The following GLS variants were observed in gnomAD, a reference collection of about 807,000 sequenced individuals.
The protein encoded by GLS is glutaminase, also known as glutaminase kidney isoform, mitochondrial.
In GLS, 36 loss-of-function variants were observed where a neutral mutation model predicts 86.7. The ratio of observed to expected loss-of-function variants is 0.42; its 90% CI spans 0.32 to 0.55. GLS has a LOEUF of 0.55. GLS is among the 20% of genes least tolerant of loss of function. GLS has a pLI of 0.17. For missense variants in GLS, 528 were observed against 833.4 expected, an observed-to-expected ratio of 0.63 and a Z score of 4.51; for synonymous variants, 317 against 305.9, an observed-to-expected ratio of 1.04 and a Z score of -0.38.
chr2:190,958,557 G>A (rs1690918829), intron 17 of GLS, among the ~76,000 whole-genome samples: 1 of 152,096 alleles, frequency 6.6e-6, no homozygotes, highest in Admixed American at 6.5e-5. Flanking sequence ...TGGGCATTTA[G>A]TACTATAAAT....
intron 14 of GLS, chr2:190,934,412 A>G (rs1690206404): frequency 2.1e-6 from 2 of 947,542 alleles, no homozygotes; most frequent in Non-Finnish European, 2.5e-6. Context: ...TTAAATAATT[A>G]TATTTTAAGT....
intron 3 of GLS, among the ~76,000 whole-genome samples, chr2:190,899,542 A>G (rs1005646954): frequency 6.6e-6 from 1 of 152,158 alleles, no homozygotes; most frequent in African/African-American, 2.4e-5. Flanking sequence ...CTCATTTATT[A>G]CAGACTAAAC....
rs1491385760 is a variant in GLS, at chr2:190,949,905, GAC to G, written c.1651-3658_1651-3657del. On this transcript the variant is annotated intron_variant, in intron 14 of 17. Transcript: ENST00000320717. This position sits in a 1 kb window ranked among gnomAD's most constrained non-coding sequence, Gnocchi z 4.0. ...CATGGAGCCTATATTTAATGAGAGA[GAC>G]AAAAAACAAGTATATATAAAAATAT... is the stretch of plus-strand genomic sequence containing the variant. Among the ~76,000 whole-genome samples, 1 of 149,122 alleles carries G rather than the reference GAC, an allele frequency of 6.7e-6. No individual in the cohort carries two copies. Among genetic ancestry groups the G allele is most frequent in the Non-Finnish European group, 1.5e-5 (1 of 67,406 alleles).
chr2:190,900,645 A>C lies in GLS; in HGVS notation c.687A>C (p.Ser229=). The change falls in exon 4 of 18, where the codon TCA becomes TCC. Residue 229 remains serine, a synonymous_variant. Coordinates refer to ENST00000320717, the MANE Select transcript of GLS (RefSeq NM_014905.5). Reference sequence around the variant, plus strand: ...TTCCTGACTTTATGTCTTTTACCTCACACATTGATGAGTTATATGAAAGTG... The same window carrying C: ...TTCCTGACTTTATGTCTTTTACCTCCCACATTGATGAGTTATATGAAAGTG... The part of the protein sequence containing the change: ...FVIPDFMSFT[S]HIDELYESAK... The C allele has an allele frequency of 6.2e-7, 1 of 1,604,480 alleles. No homozygotes were observed. Among genetic ancestry groups the C allele is most frequent in the Non-Finnish European group, 8.5e-7 (1 of 1,171,810 alleles).
At chr2:190,950,302 T>C (rs1469273602) in intron 14 of GLS, among the ~76,000 whole-genome samples, 1 of 152,152 alleles carries the variant, frequency 6.6e-6, no homozygotes, top group Non-Finnish European at 1.5e-5. Flanking sequence ...AGAGTTTGAT[T>C]TTCCTTTAGA....
intron 5 of GLS, among the ~76,000 whole-genome samples, chr2:190,904,217 C>T (rs1689051419): frequency 6.6e-6 from 1 of 151,682 alleles, no homozygotes; most frequent in Non-Finnish European, 1.5e-5. Context: ...GACAGGGTCC[C>T]AGAGAATAGT....
chr2:190,953,326 C>T lies in GLS; in HGVS notation c.1651-239C>T, dbSNP rs1690767257. On this transcript the variant is annotated intron_variant, in intron 14 of 17. Transcript: ENST00000320717. This position sits in a 1 kb window ranked among gnomAD's most constrained non-coding sequence, Gnocchi z 4.0. The stretch of plus-strand genomic sequence containing the variant: ...TTCTCTTCTGCCAAGTGATATTATT[C>T]CATTCCTTCCCTTGTGTATCTTATC... 6.6e-6 allele frequency among the ~76,000 whole-genome samples: 1 copy of T among 152,166 alleles called. No individual in the cohort carries two copies. Among genetic ancestry groups the T allele is most frequent in the African/African-American group, 2.4e-5 (1 of 41,434 alleles).
At position 190,954,862 on chromosome 2, in the gene GLS, T is replaced by G. The variant is rs1394284089; in HGVS notation, c.1853+44T>G. ...TTCTAAATATGTCAGTATTTTATTA[T>G]GCAGGACTGTAATATTCAAGTGATG... On this transcript the variant is annotated intron_variant, in intron 17 of 17. Transcript: ENST00000320717. The surrounding 1 kb of genome is among the most constrained non-coding windows in gnomAD (Gnocchi z 4.0). 8.1e-7 allele frequency: 1 copy of G among 1,234,178 alleles called. No individual in the cohort carries two copies. Among genetic ancestry groups the G allele is most frequent in the East Asian group, 2.3e-5 (1 of 43,118 alleles). 76.5% of individuals were successfully genotyped at this position (1,234,178 alleles called of 1,614,324 possible). A position where few individuals can be genotyped will look rare whatever the true frequency, so the allele number is the denominator to read the frequency against.
intron 7 of GLS, chr2:190,919,805 AGTG>A (rs1469952064): frequency 3.0e-6 from 1 of 334,202 alleles, no homozygotes; most frequent in Non-Finnish European, 4.3e-6. Context: ...ATACATAGAT[AGTG>A]ATTACAATAT....
At position 190,938,889 on chromosome 2, in the gene GLS, C is replaced by G. The variant is rs1374415904; in HGVS notation, c.1650+7252C>G. On this transcript the variant is annotated intron_variant, in intron 14 of 17. Transcript: ENST00000320717. The surrounding 1 kb of genome is among the most constrained non-coding windows in gnomAD (Gnocchi z 4.1). Reference sequence around the variant, plus strand: ...TAAATGTTAAAGTTACACAGTAGTTCTAAAAATAAAACATTACCCTGCAAT... The same window carrying G: ...TAAATGTTAAAGTTACACAGTAGTTGTAAAAATAAAACATTACCCTGCAAT... 2.6e-5 allele frequency among the ~76,000 whole-genome samples: 4 copies of G among 151,552 alleles called. No homozygotes were observed. The highest frequency in any genetic ancestry group is 9.7e-5 in the African/African-American group (4 of 41,354).
chr2:190,899,592 C>T (rs948946383), intron 3 of GLS, among the ~76,000 whole-genome samples: 3 of 152,092 alleles, frequency 2.0e-5, no homozygotes, highest in East Asian at 1.9e-4. Flanking sequence ...GATTTATTAT[C>T]GTTGGTATTA....
At chr2:190,940,384 A>T (rs534190608) in intron 14 of GLS, among the ~76,000 whole-genome samples, 1 of 152,158 alleles carries the variant, frequency 6.6e-6, no homozygotes, top group South Asian at 2.1e-4. Context: ...TAATACTATT[A>T]ATCCTTTTTA....
At chr2:190,891,537 A>G (rs1688561268) in intron 1 of GLS, among the ~76,000 whole-genome samples, 1 of 152,108 alleles carries the variant, frequency 6.6e-6, no homozygotes, top group African/African-American at 2.4e-5. Flanking sequence ...TTGGGGAATT[A>G]TAAGGATTAA....
At chr2:190,890,753 G>T (rs906941691) in intron 1 of GLS, among the ~76,000 whole-genome samples, 2 of 152,036 alleles carry the variant, frequency 1.3e-5, no homozygotes, top group Non-Finnish European at 2.9e-5. Context: ...TTAAATGAAG[G>T]CATAAAGACT....
At chr2:190,912,704 C>T (rs1217005606) in intron 7 of GLS, among the ~76,000 whole-genome samples, 1 of 152,124 alleles carries the variant, frequency 6.6e-6, no homozygotes, top group Non-Finnish European at 1.5e-5. Context: ...ATGTGCTGTT[C>T]ATTACAATTC....
intron 14 of GLS, chr2:190,932,507 A>G: frequency 3.3e-6 from 1 of 301,228 alleles, no homozygotes; most frequent in East Asian, 5.3e-5. Flanking sequence ...TTATCAAATT[A>G]ATTTCTGTTA....
At chr2:190,936,820 T>A (rs1025639215) in intron 14 of GLS, among the ~76,000 whole-genome samples, 1 of 151,372 alleles carries the variant, frequency 6.6e-6, no homozygotes, top group Non-Finnish European at 1.5e-5. Flanking sequence ...GTTACTGTGG[T>A]ACAGTTTTTA....
At chr2:190,934,818 G>A (rs989457972) in intron 14 of GLS, 1 of 970,228 alleles carries the variant, frequency 1.0e-6, no homozygotes, top group African/African-American at 1.8e-5. Flanking sequence ...ACTGTGTTTA[G>A]AAAATGTTAA....
intron 14 of GLS, chr2:190,933,543 T>G (rs1690176400): frequency 2.1e-6 from 2 of 957,024 alleles, no homozygotes; most frequent in Non-Finnish European, 2.5e-6. Context: ...GAGTGTCTTA[T>G]GTTACTAAAA....
Sources: gnomAD v4.1 joint callset for allele counts (sites outside exome capture counted in the v4.1 genomes callset) on GRCh38, gnomAD v4.1.1 for gene constraint, Gnocchi (gnomAD v3.1) non-coding constraint, MANE v1.5 for transcripts, NCBI Gene and HGNC (gene_info 2026-07-23, HGNC 2026-07-21) for gene names.